Variants in CTNNA3 observed in about 807,000 individuals in gnomAD.
The protein encoded by CTNNA3 is catenin alpha 3.
Under a neutral mutation model 95.7 loss-of-function variants are expected in CTNNA3, and 76 were observed. The observed-to-expected ratio is 0.79, with a 90% CI of 0.66 to 0.96. CTNNA3 has a LOEUF of 0.96. CTNNA3 is among the 40% of genes least tolerant of loss of function. The pLI is 0.00. For synonymous variants in CTNNA3, 431 were observed against 374.4 expected, an observed-to-expected ratio of 1.15 and a Z score of -1.74; for missense variants, 1,191 against 1,089.8, an observed-to-expected ratio of 1.09 and a Z score of -1.31.
intron 11 of CTNNA3, among the ~76,000 whole-genome samples, chr10:66,425,002 T>A (rs1822567701): frequency 6.6e-6 from 1 of 152,070 alleles, no homozygotes. Context: ...TGAACTTATC[T>A]ATTTCTCCCT....
intron 7 of CTNNA3, among the ~76,000 whole-genome samples, chr10:67,056,712 A>G (rs1855452972): frequency 6.6e-6 from 1 of 152,196 alleles, no homozygotes; most frequent in Admixed American, 6.5e-5. Flanking sequence ...ACTTTCAATC[A>G]CTATGATCTC....
chr10:67,669,987 T>G (rs1021217269), intron 1 of CTNNA3, among the ~76,000 whole-genome samples: 3 of 152,182 alleles, frequency 2.0e-5, no homozygotes, highest in African/African-American at 7.2e-5. Context: ...CTTAATAAAT[T>G]AAAGGGACAC....
At chr10:66,285,802 T>C (rs1048173524) in intron 12 of CTNNA3, among the ~76,000 whole-genome samples, 12 of 151,940 alleles carry the variant, frequency 7.9e-5, no homozygotes, top group African/African-American at 2.9e-4. Flanking sequence ...AGAGAATTAA[T>C]AGTAGAAAGT....
chr10:67,438,811 G>C (rs1481379874), intron 5 of CTNNA3, among the ~76,000 whole-genome samples: 5 of 152,192 alleles, frequency 3.3e-5, no homozygotes, highest in African/African-American at 7.2e-5. Flanking sequence ...TCACAGCAGA[G>C]AGCAAAGCCA....
intron 13 of CTNNA3, among the ~76,000 whole-genome samples, chr10:66,250,600 A>G (rs2090511014): frequency 6.6e-6 from 1 of 152,134 alleles, no homozygotes; most frequent in African/African-American, 2.4e-5. Context: ...GAACGGCAGG[A>G]GCAAAATTTC....
chr10:67,196,440 G>A (rs1863373606), intron 6 of CTNNA3, among the ~76,000 whole-genome samples: 2 of 151,946 alleles, frequency 1.3e-5, no homozygotes, highest in African/African-American at 4.8e-5. Context: ...AAATATTTTA[G>A]AGATACTCAA....
chr10:66,516,419 T>C (rs2132009065), intron 11 of CTNNA3, among the ~76,000 whole-genome samples: 1 of 152,306 alleles, frequency 6.6e-6, no homozygotes, highest in South Asian at 2.1e-4. Flanking sequence ...TTTGTTTGTG[T>C]AGTAAGTGAC....
At chr10:66,524,841 G>A (rs1035430897) in intron 10 of CTNNA3, among the ~76,000 whole-genome samples, 2 of 152,158 alleles carry the variant, frequency 1.3e-5, no homozygotes, top group African/African-American at 4.8e-5. Flanking sequence ...CCTGAGGTCA[G>A]GAGTGCGAGA....
At chr10:66,779,605 C>T (rs1247238987) in intron 7 of CTNNA3, among the ~76,000 whole-genome samples, 1 of 152,232 alleles carries the variant, frequency 6.6e-6, no homozygotes, top group Non-Finnish European at 1.5e-5. Context: ...TCAGGTGATC[C>T]TCCTGCCTTG....
At chr10:66,965,748 A>G (rs1160930330) in intron 7 of CTNNA3, among the ~76,000 whole-genome samples, 1 of 152,054 alleles carries the variant, frequency 6.6e-6, no homozygotes, top group Non-Finnish European at 1.5e-5. Flanking sequence ...TTCTTTGCTC[A>G]GTCAAAGGCC....
intron 2 of CTNNA3, among the ~76,000 whole-genome samples, chr10:67,632,370 T>C (rs1054769966): frequency 6.6e-6 from 1 of 151,654 alleles, no homozygotes; most frequent in Admixed American, 6.6e-5. Flanking sequence ...CGGCTAGATT[T>C]GGAGCCCCAA....
intron 12 of CTNNA3, among the ~76,000 whole-genome samples, chr10:66,294,725 A>T (rs2091746034): frequency 6.6e-6 from 1 of 152,162 alleles, no homozygotes; most frequent in South Asian, 2.1e-4. Flanking sequence ...TTCCAAGATG[A>T]CTAAGGTATT....
At chr10:67,379,723 T>C (rs1233912713) in intron 5 of CTNNA3, among the ~76,000 whole-genome samples, 1 of 152,112 alleles carries the variant, frequency 6.6e-6, no homozygotes, top group Non-Finnish European at 1.5e-5. Flanking sequence ...GAGTAGAGCA[T>C]AGAATTAGTC....
At chr10:67,351,580 C>T (rs998582622) in intron 5 of CTNNA3, among the ~76,000 whole-genome samples, 2 of 151,896 alleles carry the variant, frequency 1.3e-5, no homozygotes, top group Admixed American at 6.6e-5. Flanking sequence ...AAGTAGTTGG[C>T]CAGCGTGTTG....
At chr10:67,485,089 TGGATAAAGAA>T (rs1426069817) in intron 5 of CTNNA3, among the ~76,000 whole-genome samples, 1 of 152,154 alleles carries the variant, frequency 6.6e-6, no homozygotes, top group African/African-American at 2.4e-5. Flanking sequence ...AGTGGTGGAC[TGGATAAAGAA>T]GACACAGTAC....
intron 3 of CTNNA3, 38 bp downstream of exon 3, chr10:67,606,819 A>T: frequency 6.7e-7 from 1 of 1,492,174 alleles, no homozygotes; most frequent in Non-Finnish European, 9.2e-7. Flanking sequence ...CACCCTAAAG[A>T]TATGCAGTTT....
In CTNNA3 at chr10:67,608,630, T is replaced by C. The variant is rs534791063; in HGVS notation, c.100-1581A>G. On this transcript the variant is annotated intron_variant, in intron 2 of 17. Coordinates refer to ENST00000433211, the MANE Select transcript of CTNNA3 (RefSeq NM_013266.4). ...TCACAGGGTACACCATAAATATATA[T>C]AAATTTTATTCGCCAATTTTAATTT... Among the ~76,000 whole-genome samples, 11 of 152,194 alleles carry C rather than the reference T, an allele frequency of 7.2e-5. 1 individual carries two copies. In the East Asian group the frequency reaches 1.9e-3, roughly 27 times the overall value.
chr10:65,954,142 A>G (rs1264343084), intron 17 of CTNNA3, among the ~76,000 whole-genome samples: 1 of 152,170 alleles, frequency 6.6e-6, no homozygotes, highest in African/African-American at 2.4e-5. Context: ...GTCAGTGATG[A>G]TGAATATTTT....
intron 11 of CTNNA3, among the ~76,000 whole-genome samples, chr10:66,436,795 C>T (rs866729014): frequency 1.3e-5 from 2 of 152,080 alleles, no homozygotes; most frequent in Non-Finnish European, 2.9e-5. Context: ...ATGGTCTTTA[C>T]AATTTGATAT....
Sources: gnomAD v4.1 joint callset for allele counts (sites outside exome capture counted in the v4.1 genomes callset) on GRCh38, gnomAD v4.1.1 for gene constraint, MANE v1.5 for transcripts, NCBI Gene and HGNC (gene_info 2026-07-23, HGNC 2026-07-21) for gene names.